KCNMA1: variants seen among roughly 807,000 people sequenced by gnomAD.
The protein encoded by KCNMA1 is potassium calcium-activated channel subfamily M alpha 1.
KCNMA1 carries 29 observed loss-of-function variants against 140.0 expected under a neutral mutation model. The observed-to-expected ratio is 0.21, with a 90% CI of 0.15 to 0.28. KCNMA1 has a LOEUF of 0.28. KCNMA1 is among the 10% of genes least tolerant of loss of function. The pLI is 1.00. For missense variants in KCNMA1, 880 were observed against 1,602.2 expected (o/e 0.55, Z 7.70); for synonymous variants, 612 against 611.9 (o/e 1.00, Z 0.00).
chr10:76,931,881 C>T (rs2059379804), intron 23 of KCNMA1, among the ~76,000 whole-genome samples: 1 of 152,156 alleles, frequency 6.6e-6, no homozygotes, highest in Admixed American at 6.5e-5. Context: ...ATTTTCTATG[C>T]ATATTTACAG....
intron 5 of KCNMA1, among the ~76,000 whole-genome samples, chr10:77,124,911 G>A (rs1011308887): frequency 6.6e-6 from 1 of 152,162 alleles, no homozygotes; most frequent in Non-Finnish European, 1.5e-5. Context: ...CAGGGCTGGA[G>A]AAGCCTCAGG....
chr10:77,131,663 G>A (rs986123628), intron 5 of KCNMA1, among the ~76,000 whole-genome samples: 2 of 151,770 alleles, frequency 1.3e-5, no homozygotes, highest in Admixed American at 6.6e-5. Flanking sequence ...CATTCTCTTC[G>A]TGAAAATTTA....
At chr10:77,161,736 C>A (rs757426120) in intron 5 of KCNMA1, among the ~76,000 whole-genome samples, 15 of 152,310 alleles carry the variant, frequency 9.8e-5, no homozygotes, top group Non-Finnish European at 2.1e-4. Flanking sequence ...AATAAGTGCT[C>A]TGCATACATT....
At chr10:77,060,547 C>A (rs2095704845) in intron 14 of KCNMA1, among the ~76,000 whole-genome samples, 1 of 152,106 alleles carries the variant, frequency 6.6e-6, no homozygotes, top group Admixed American at 6.5e-5. Flanking sequence ...TTGATCACAC[C>A]CAAAGTCTCA....
intron 15 of KCNMA1, 97 bp downstream of exon 15, chr10:77,039,431 T>G: frequency 2.6e-6 from 2 of 772,516 alleles, no homozygotes; most frequent in South Asian, 2.8e-5. Flanking sequence ...AATTGTCAAG[T>G]GCTCCAACTG....
intron 1 of KCNMA1, among the ~76,000 whole-genome samples, chr10:77,510,225 G>C (rs1389063197): frequency 1.3e-5 from 2 of 151,002 alleles, no homozygotes; most frequent in Non-Finnish European, 2.9e-5. Flanking sequence ...TTGGGTGATG[G>C]TATCAGGTTC....
chr10:76,962,018 A>G lies in KCNMA1; in HGVS notation c.2360+7956T>C, dbSNP rs376701608. Among the ~76,000 whole-genome samples, 27 of 152,370 alleles carry G rather than the reference A, an allele frequency of 1.8e-4. No homozygotes were observed. The South Asian group carries it at 4.8e-3, about 27-fold the overall frequency. On this transcript the variant is annotated intron_variant, in intron 20 of 27. Coordinates refer to ENST00000286628, the MANE Select transcript of KCNMA1 (RefSeq NM_001161352.2). ...GAGCAAGAAATGCCACTTGGCATCA[A>G]TTAATCTCAGGAAGTGAACTAAATG... is the stretch of plus-strand genomic sequence containing the variant.
intron 23 of KCNMA1, among the ~76,000 whole-genome samples, chr10:76,933,078 C>T (rs1364777842): frequency 6.6e-6 from 1 of 152,148 alleles, no homozygotes; most frequent in African/African-American, 2.4e-5. Flanking sequence ...ATAAAGGCTC[C>T]TCCAGACAAG....
chr10:77,133,796 C>T (rs1255832706), intron 5 of KCNMA1, among the ~76,000 whole-genome samples: 3 of 152,048 alleles, frequency 2.0e-5, no homozygotes, highest in South Asian at 2.1e-4. Context: ...ACTAGGAACA[C>T]ACATTCTTTA....
Position 77,603,043 on chromosome 10 carries a change from C to T in KCNMA1, c.378+34222G>A, listed in dbSNP as rs78571914. ...ACAGCTGACACCATCGTCTATGTTC[C>T]TCTGAGCTGTGTGCAAGGAAGAGTA... On this transcript the variant is annotated intron_variant, in intron 1 of 27. Transcript: ENST00000286628. Among the ~76,000 whole-genome samples, 57 of 152,296 alleles carry T rather than the reference C, an allele frequency of 3.7e-4. No homozygotes were observed. The East Asian group carries it at 0.01, about 27-fold the overall frequency.
intron 5 of KCNMA1, among the ~76,000 whole-genome samples, chr10:77,178,632 G>C (rs1355022526): frequency 6.6e-6 from 1 of 152,118 alleles, no homozygotes; most frequent in African/African-American, 2.4e-5. Context: ...TTGAACCCAG[G>C]AGGCAGAGGT....
At chr10:76,948,402 T>C (rs890094348) in intron 22 of KCNMA1, among the ~76,000 whole-genome samples, 10 of 152,220 alleles carry the variant, frequency 6.6e-5, no homozygotes, top group African/African-American at 1.7e-4. Context: ...TTACATCAAA[T>C]GTTGAAATGC....
chr10:77,376,093 A>AAT, intron 2 of KCNMA1, among the ~76,000 whole-genome samples: 1 of 152,332 alleles, frequency 6.6e-6, no homozygotes, highest in South Asian at 2.1e-4. Context: ...AAACTCAGAC[A>AAT]GGCCACGGTC....
chr10:77,356,530 A>T (rs540103388), intron 2 of KCNMA1, among the ~76,000 whole-genome samples: 1 of 152,310 alleles, frequency 6.6e-6, no homozygotes, highest in Admixed American at 6.5e-5. Context: ...GTGGCCTTTC[A>T]ACATCCAGGA....
chr10:77,246,789 A>G (rs989935801), intron 3 of KCNMA1, among the ~76,000 whole-genome samples: 2 of 152,152 alleles, frequency 1.3e-5, no homozygotes, highest in Admixed American at 1.3e-4. Context: ...GGGAGAGGCC[A>G]TTTTCCAATC....
chr10:77,260,526 T>C (rs1338048919), intron 2 of KCNMA1, among the ~76,000 whole-genome samples: 3 of 151,970 alleles, frequency 2.0e-5, no homozygotes, highest in Admixed American at 6.6e-5. Context: ...CTGGGCAACA[T>C]GGTGAAAACC....
intron 14 of KCNMA1, among the ~76,000 whole-genome samples, chr10:77,063,278 T>C (rs2095823225): frequency 6.6e-6 from 1 of 151,958 alleles, no homozygotes; most frequent in Non-Finnish European, 1.5e-5. Flanking sequence ...CCGGGTGTGG[T>C]GGCTCGTGCC....
At chr10:77,392,203 T>G (rs1487330368) in intron 2 of KCNMA1, among the ~76,000 whole-genome samples, 27 of 37,594 alleles carry the variant, frequency 7.2e-4, no homozygotes, top group South Asian at 1.4e-3. Context: ...GAGGGGGCAG[T>G]GGGGAGGAAG....
At chr10:77,246,328 A>C (rs2154244313) in intron 3 of KCNMA1, among the ~76,000 whole-genome samples, 1 of 152,354 alleles carries the variant, frequency 6.6e-6, no homozygotes, top group Non-Finnish European at 1.5e-5. Flanking sequence ...TATCCTAAGA[A>C]GTTGTTAGGG....
Sources: gnomAD v4.1 joint callset for allele counts (sites outside exome capture counted in the v4.1 genomes callset) on GRCh38, gnomAD v4.1.1 for gene constraint, MANE v1.5 for transcripts, NCBI Gene and HGNC (gene_info 2026-07-23, HGNC 2026-07-21) for gene names.